ATP11A: variants seen among roughly 807,000 people sequenced by gnomAD.
The protein encoded by ATP11A is ATPase phospholipid transporting 11A, also known as phospholipid-transporting ATPase IH.
ATP11A carries 81 observed loss-of-function variants against 154.4 expected under a neutral mutation model. That is an observed-to-expected ratio of 0.52 (90% confidence interval 0.44 to 0.63). The LOEUF (loss-of-function observed/expected upper bound fraction) is 0.63. Ranked by LOEUF, ATP11A falls within the 30% of genes least tolerant of loss-of-function variation. ATP11A has a pLI of 0.00. For synonymous variants in ATP11A, 623 were observed against 585.9 expected, an observed-to-expected ratio of 1.06 and a Z score of -0.91; for missense variants, 1,316 against 1,474.3, an observed-to-expected ratio of 0.89 and a Z score of 1.76.
rs1191870718 is a variant in ATP11A at position 112,886,862 on chromosome 13, T to C, written c.*4996T>C. 6.6e-6 allele frequency: 1 copy of C among 152,434 alleles called. No homozygotes were observed. The highest frequency in any genetic ancestry group is 1.5e-5 in the Non-Finnish European group (1 of 68,042). 9.4% of individuals were successfully genotyped at this position (152,434 alleles called of 1,614,324 possible). ...TATCCATAGTTGTCATCATCATAAA[T>C]ACTGGAGTTTATTTTTAAATTATTA... On this transcript the variant is annotated 3_prime_UTR_variant, in exon 30 of 30. Coordinates refer to ENST00000375645, the MANE Select transcript of ATP11A (RefSeq NM_015205.3).
chr13:112,862,859 C>T (rs1331842256), intron 25 of ATP11A, among the ~76,000 whole-genome samples: 1 of 145,640 alleles, frequency 6.9e-6, no homozygotes, highest in African/African-American at 2.7e-5. Context: ...CGGGGTCCAT[C>T]ACCACGTGCA....
rs1594684001 is a variant in ATP11A at position 112,785,891 on chromosome 13, A to G, written c.162+634A>G. 6.6e-6 allele frequency among the ~76,000 whole-genome samples: 1 copy of G among 152,336 alleles called. No homozygotes were observed. Among genetic ancestry groups the G allele is most frequent in the Admixed American group, 6.5e-5 (1 of 15,308 alleles). On this transcript the variant is annotated intron_variant, in intron 2 of 29. Transcript: ENST00000375645. The surrounding 1 kb of genome is among the most constrained non-coding windows in gnomAD (Gnocchi z 4.8). Reference sequence around the variant, plus strand: ...GGAAATTTAGCTGCTGCCATTAAACATGGGGTAAACTGTGCTTTCCAGGTA... The same window carrying G: ...GGAAATTTAGCTGCTGCCATTAAACGTGGGGTAAACTGTGCTTTCCAGGTA...
chr13:112,751,678 C>CAAA (rs897726447), intron 1 of ATP11A, among the ~76,000 whole-genome samples: 1 of 144,486 alleles, frequency 6.9e-6, no homozygotes, highest in Non-Finnish European at 1.5e-5. Flanking sequence ...CAAAACAAAA[C>CAAA]AAAAAAAAAA....
At chr13:112,751,674 A>G (rs1276837326) in intron 1 of ATP11A, among the ~76,000 whole-genome samples, 1 of 151,298 alleles carries the variant, frequency 6.6e-6, no homozygotes, top group Non-Finnish European at 1.5e-5. Flanking sequence ...AAAACAAAAC[A>G]AAACAAAAAA....
At position 112,883,068 on chromosome 13, in the gene ATP11A, A is replaced by G. The variant is rs1290980144; in HGVS notation, c.*1202A>G. On this transcript the variant is annotated 3_prime_UTR_variant, in exon 30 of 30. Coordinates refer to ENST00000375645, the MANE Select transcript of ATP11A (RefSeq NM_015205.3). Reference sequence around the variant, plus strand: ...CGTCCCCACATCCCCTTGCCCCGTCACCTCGTCCTCATGTCCCCTTGTCCT... The same window carrying G: ...CGTCCCCACATCCCCTTGCCCCGTCGCCTCGTCCTCATGTCCCCTTGTCCT... 8.3e-6 allele frequency: 3 copies of G among 359,706 alleles called. No individual in the cohort carries two copies. Among genetic ancestry groups the G allele is most frequent in the African/African-American group, 5.8e-5 (2 of 34,484 alleles). 22.3% of individuals were successfully genotyped at this position (359,706 alleles called of 1,614,324 possible). A position where few individuals can be genotyped will look rare whatever the true frequency, so the allele number is the denominator to read the frequency against.
At chr13:112,700,131 T>A (rs780103953) in intron 1 of ATP11A, among the ~76,000 whole-genome samples, 1 of 152,008 alleles carries the variant, frequency 6.6e-6, no homozygotes, top group Non-Finnish European at 1.5e-5. Context: ...AGAGAAGGTT[T>A]GTTACATGTG....
At chr13:112,839,006 G>C (rs2079317775) in intron 16 of ATP11A, among the ~76,000 whole-genome samples, 1 of 152,128 alleles carries the variant, frequency 6.6e-6, no homozygotes, top group African/African-American at 2.4e-5. Flanking sequence ...CACTGTTTTG[G>C]GGCTGAGCAG....
rs750806126 is a variant in ATP11A at position 112,873,527 on chromosome 13, A to C, written c.3058-46A>C. ...TGTCCTGCCCATCACGATCATTCTC[A>C]CTGCTCAGATGACACCGTTAACTGC... On this transcript the variant is annotated intron_variant, in intron 26 of 29. Transcript: ENST00000375645. 2.1e-6 allele frequency: 3 copies of C among 1,433,476 alleles called. No homozygotes were observed. The African/African-American group carries it at 4.3e-5, about 21-fold the overall frequency. 88.8% of individuals were successfully genotyped at this position (1,433,476 alleles called of 1,614,324 possible).
chr13:112,868,789 A>G (rs2080420684), intron 25 of ATP11A, among the ~76,000 whole-genome samples: 1 of 152,150 alleles, frequency 6.6e-6, no homozygotes, highest in South Asian at 2.1e-4. Flanking sequence ...TTAGGAAGAA[A>G]AGAGGTTTAA....
chr13:112,708,799 A>G (rs1199649181), intron 1 of ATP11A, among the ~76,000 whole-genome samples: 2 of 152,200 alleles, frequency 1.3e-5, no homozygotes, highest in Non-Finnish European at 2.9e-5. Flanking sequence ...GTCGTCTTCC[A>G]ACGAGTGGCT....
intron 20 of ATP11A, among the ~76,000 whole-genome samples, chr13:112,857,088 A>G (rs2079950948): frequency 6.6e-6 from 1 of 152,204 alleles, no homozygotes; most frequent in South Asian, 2.1e-4. Flanking sequence ...CATGTATTCC[A>G]TAGTACTTTT....
In ATP11A at chr13:112,859,313, G is replaced by T; in HGVS notation, c.2668-80G>T. On this transcript the variant is annotated intron_variant, in intron 22 of 29. Coordinates refer to ENST00000375645, the MANE Select transcript of ATP11A (RefSeq NM_015205.3). The surrounding 1 kb of genome is among the most constrained non-coding windows in gnomAD (Gnocchi z 4.3). ...GGTGCACGTGGATCCCTCCTCCCAT[G>T]TGGGGTGGGCCACGTCGGTAGGTGG... The T allele has an allele frequency of 8.7e-7, 1 of 1,147,002 alleles. No homozygotes were observed. Among genetic ancestry groups the T allele is most frequent in the East Asian group, 2.3e-5 (1 of 42,608 alleles). The allele number at this position is 1,147,002 out of a possible 1,614,324, so 71.1% of individuals were successfully genotyped here.
intron 1 of ATP11A, among the ~76,000 whole-genome samples, chr13:112,736,401 C>T (rs1891006954): frequency 6.6e-6 from 1 of 152,154 alleles, no homozygotes. Context: ...AAGATGTTAT[C>T]ACTGTGTTTT....
rs545446709 is a variant in ATP11A, at chr13:112,875,949, G to A, written c.3327+8G>A. 8 of 1,605,120 alleles carry A rather than the reference G, an allele frequency of 5.0e-6. No individual in the cohort carries two copies. The East Asian group carries it at 1.3e-4, about 27-fold the overall frequency. On this transcript the variant is annotated splice_region_variant and intron_variant, in intron 28 of 29. Coordinates refer to ENST00000375645, the MANE Select transcript of ATP11A (RefSeq NM_015205.3). This position sits in a 1 kb window ranked among gnomAD's most constrained non-coding sequence, Gnocchi z 4.1. ...GCAACAGAGAGAGTCCAGGTACGGAGTGTCCCCAGCCGGGGCGGGGGTGCC... is the reference window on the plus strand; with the variant it reads ...GCAACAGAGAGAGTCCAGGTACGGAATGTCCCCAGCCGGGGCGGGGGTGCC...
At chr13:112,735,974 C>T (rs1451653080) in intron 1 of ATP11A, among the ~76,000 whole-genome samples, 1 of 152,176 alleles carries the variant, frequency 6.6e-6, no homozygotes, top group Non-Finnish European at 1.5e-5. Flanking sequence ...TGCACATGCC[C>T]AGAGCCTATG....
chr13:112,770,096 G>A lies in ATP11A; in HGVS notation c.40-15039G>A, dbSNP rs532764035. Among the ~76,000 whole-genome samples, 4 of 152,322 alleles carry A rather than the reference G, an allele frequency of 2.6e-5. No individual in the cohort carries two copies. The East Asian group carries it at 7.7e-4, about 29-fold the overall frequency. On this transcript the variant is annotated intron_variant, in intron 1 of 29. Transcript: ENST00000375645. ...CTTTGGTCACCGGCTCTTTTCCTCT[G>A]TGTCTCGACTCTTAGGAAGCTCTGT...
At chr13:112,827,414 A>T (rs1325544434) in intron 12 of ATP11A, among the ~76,000 whole-genome samples, 1 of 152,230 alleles carries the variant, frequency 6.6e-6, no homozygotes, top group Non-Finnish European at 1.5e-5. Flanking sequence ...TGCTGGCCTT[A>T]CAGGATTGGG....
chr13:112,778,567 G>T (rs1274681931), intron 1 of ATP11A, among the ~76,000 whole-genome samples: 1 of 152,252 alleles, frequency 6.6e-6, no homozygotes, highest in Non-Finnish European at 1.5e-5. Flanking sequence ...CCTGTGAACA[G>T]CCGCTGGAGT....
rs144129645 is a variant in ATP11A at position 112,844,797 on chromosome 13, T to C, written c.1809+2418T>C. Among the ~76,000 whole-genome samples the C allele has an allele frequency of 3.1e-3, 383 of 123,362 alleles. 1 individual carries two copies. Among genetic ancestry groups the C allele is most frequent in the African/African-American group, 8.5e-3 (187 of 22,084 alleles). 80.9% of individuals were successfully genotyped at this position (123,362 alleles called of 152,430 possible). ...TACTAACCAGTCCAGTTGCCGGGTG[T>C]TAGTGGTACTAACCAGTCCAGTTGC... On this transcript the variant is annotated intron_variant, in intron 17 of 29. Transcript: ENST00000375645.
Sources: gnomAD v4.1 joint callset for allele counts (sites outside exome capture counted in the v4.1 genomes callset) on GRCh38, gnomAD v4.1.1 for gene constraint, Gnocchi (gnomAD v3.1) non-coding constraint, MANE v1.5 for transcripts, NCBI Gene and HGNC (gene_info 2026-07-23, HGNC 2026-07-21) for gene names.